The following GTPBP10 variants were observed in gnomAD, a reference collection of about 807,000 sequenced individuals.
GTPBP10 encodes the protein GTP-binding protein 10.
In GTPBP10, 38 loss-of-function variants were observed where a neutral mutation model predicts 44.8. The ratio of observed to expected loss-of-function variants is 0.85; its 90% CI spans 0.65 to 1.11. The LOEUF (loss-of-function observed/expected upper bound fraction) is 1.11, where lower values mean the gene tolerates loss of function less well. Among genes scored for constraint, GTPBP10 ranks in the 50% most tolerant of loss-of-function variants. GTPBP10 has a pLI of 0.00. For missense variants in GTPBP10, 462 were observed against 453.7 expected (o/e 1.02, Z -0.17); for synonymous variants, 152 against 150.6 (o/e 1.01, Z -0.07).
intron 4 of GTPBP10, among the ~76,000 whole-genome samples, chr7:90,364,096 C>G (rs896203289): frequency 6.6e-6 from 1 of 152,160 alleles, no homozygotes; most frequent in Non-Finnish European, 1.5e-5. Flanking sequence ...TCCTTTAGCT[C>G]GGAGAATTCT....
chr7:90,369,246 G>A (rs568091626), intron 4 of GTPBP10, among the ~76,000 whole-genome samples: 4 of 152,274 alleles, frequency 2.6e-5, no homozygotes, highest in Admixed American at 6.5e-5. Context: ...TAGGCTACTC[G>A]GGGGTCAGGG....
At position 90,382,984 on chromosome 7, in the gene GTPBP10, A is replaced by C; in HGVS notation, c.806A>C (p.Gln269Pro). 1 of 1,584,236 alleles carries C rather than the reference A, an allele frequency of 6.3e-7. No homozygotes were observed. ...TTGGAATTGTACAAAGAGGAACTTC[A>C]GACAAAACCTGCACTCTTGGCAGTT... ...KELELYKEELQTKPALLAVNK... is the reference protein window; with the variant it reads ...KELELYKEELPTKPALLAVNK... Residue 269 changes from glutamine (Q) to proline (P), a missense_variant, in exon 9 of 10, where the codon CAG becomes CCG. Transcript: ENST00000222511.
At position 90,389,031 on chromosome 7, in the gene GTPBP10, ATATCT is replaced by A. The variant is rs1250096135; in HGVS notation, c.*3881_*3885del. The A allele has an allele frequency of 1.3e-5, 2 of 152,368 alleles. No individual in the cohort carries two copies. Among genetic ancestry groups the A allele is most frequent in the South Asian group, 2.1e-4 (1 of 4,834 alleles). The allele number at this position is 152,368 out of a possible 1,614,324, so 9.4% of individuals were successfully genotyped here. On this transcript the variant is annotated 3_prime_UTR_variant, in exon 10 of 10. Transcript: ENST00000222511. ...TGTAAACCTACACAAAAGATAAAAG[ATATCT>A]TATTGCAAAAATAGGGCAACATTTT...
chr7:90,383,586 C>T (rs1012360569), intron 9 of GTPBP10: 1 of 152,168 alleles, frequency 6.6e-6, no homozygotes, highest in African/African-American at 2.4e-5. Context: ...GTATGTGTGA[C>T]ACAATAATAG....
intron 1 of GTPBP10, among the ~76,000 whole-genome samples, chr7:90,351,269 T>C (rs1260005718): frequency 1.3e-5 from 2 of 152,226 alleles, no homozygotes; most frequent in Admixed American, 1.3e-4. Flanking sequence ...TAAGTTTTGA[T>C]AAATTTTAAG....
intron 9 of GTPBP10, among the ~76,000 whole-genome samples, chr7:90,384,240 C>A (rs1156580982): frequency 1.3e-5 from 2 of 152,198 alleles, no homozygotes; most frequent in African/African-American, 4.8e-5. Context: ...CTCCACCAAT[C>A]TGTTTCAGTC....
chr7:90,372,853 T>G (rs1048083264), intron 5 of GTPBP10, among the ~76,000 whole-genome samples: 2 of 152,192 alleles, frequency 1.3e-5, no homozygotes, highest in Admixed American at 6.5e-5. Flanking sequence ...TTACAAAGAC[T>G]GATAAACAGA....
intron 5 of GTPBP10, 150 bp from the exon 6 acceptor site, chr7:90,374,152 T>G (rs1435222447): frequency 3.1e-6 from 2 of 648,764 alleles, no homozygotes; most frequent in Non-Finnish European, 5.5e-6. Flanking sequence ...AAGTACATAT[T>G]AAATAGCAAA....
At position 90,389,311 on chromosome 7, in the gene GTPBP10, G is replaced by A. The variant is rs1333667630; in HGVS notation, c.*4157G>A. 2.0e-5 allele frequency: 3 copies of A among 152,082 alleles called. No individual in the cohort carries two copies. The highest frequency in any genetic ancestry group is 1.9e-4 in the East Asian group (1 of 5,190). The allele number at this position is 152,082 out of a possible 1,614,324, so 9.4% of individuals were successfully genotyped here. Reference sequence around the variant, plus strand: ...ACACTGCACTGTATTGCCTGCTAGCGATGTCATTTTTTTAAAGTTGGATGG... The same window carrying A: ...ACACTGCACTGTATTGCCTGCTAGCAATGTCATTTTTTTAAAGTTGGATGG... On this transcript the variant is annotated 3_prime_UTR_variant, in exon 10 of 10. Transcript: ENST00000222511.
intron 1 of GTPBP10, among the ~76,000 whole-genome samples, chr7:90,352,601 T>A (rs42658): frequency 0.55 from 83,686 of 151,964 alleles, 23,697 homozygotes; most frequent in East Asian, 0.63. Context: ...AATTGATAAC[T>A]GAAAAAACTA....
intron 4 of GTPBP10, among the ~76,000 whole-genome samples, chr7:90,369,463 C>T (rs571076477): frequency 2.2e-4 from 34 of 152,336 alleles, no homozygotes; most frequent in Non-Finnish European, 4.7e-4. Context: ...CCATTTCGAG[C>T]TTCCAGGCCT....
chr7:90,346,839 C>G (rs1030445314), intron 1 of GTPBP10, 65 bp downstream of exon 1: 26 of 1,546,786 alleles, frequency 1.7e-5, no homozygotes, highest in Non-Finnish European at 2.3e-5. Flanking sequence ...CTTTGCTCCC[C>G]TGTCTCTCCA....
chr7:90,346,728 G>A lies in GTPBP10; in HGVS notation c.-14G>A, dbSNP rs761467390. On this transcript the variant is annotated 5_prime_UTR_variant, in exon 1 of 10. Transcript: ENST00000222511. ...TGCCGCTTCCGCAAGAAGGTTTCCT[G>A]GCCTGTTGCAGCCATGGTGCATTGC... 12 of 1,614,234 alleles carry A rather than the reference G, an allele frequency of 7.4e-6. No individual in the cohort carries two copies. The South Asian group carries it at 1.3e-4, about 18-fold the overall frequency.
At position 90,388,384 on chromosome 7, in the gene GTPBP10, G is replaced by A. The variant is rs1796561327; in HGVS notation, c.*3230G>A. On this transcript the variant is annotated 3_prime_UTR_variant, in exon 10 of 10. Transcript: ENST00000222511. ...GAATAACCAGAGTATTAAATTCAATGTACAGCAAATTTTTACAAAGTCCCA... is the reference window on the plus strand; with the variant it reads ...GAATAACCAGAGTATTAAATTCAATATACAGCAAATTTTTACAAAGTCCCA... 6.6e-6 allele frequency: 1 copy of A among 151,990 alleles called. No homozygotes were observed. Among genetic ancestry groups the A allele is most frequent in the Non-Finnish European group, 1.5e-5 (1 of 68,000 alleles). The allele number at this position is 151,990 out of a possible 1,614,324, so 9.4% of individuals were successfully genotyped here. A position where few individuals can be genotyped will look rare whatever the true frequency, so the allele number is the denominator to read the frequency against.
At chr7:90,353,734 G>T (rs1166729496) in intron 2 of GTPBP10, among the ~76,000 whole-genome samples, 1 of 151,696 alleles carries the variant, frequency 6.6e-6, no homozygotes, top group Non-Finnish European at 1.5e-5. Flanking sequence ...AGAGTAGCCA[G>T]ATTTGCCTTC....
intron 8 of GTPBP10, among the ~76,000 whole-genome samples, chr7:90,380,533 G>A (rs1451420932): frequency 6.6e-6 from 1 of 151,994 alleles, no homozygotes; most frequent in Non-Finnish European, 1.5e-5. Flanking sequence ...AAGTGTAATT[G>A]ACATAAAAAT....
intron 6 of GTPBP10, 28 bp downstream of exon 6, chr7:90,374,382 A>G (rs1017956635): frequency 7.0e-7 from 1 of 1,419,972 alleles, no homozygotes; most frequent in Non-Finnish European, 9.9e-7. Context: ...AAAACACTAT[A>G]TTAGAAGTCA....
intron 1 of GTPBP10, among the ~76,000 whole-genome samples, chr7:90,348,852 A>G (rs1795734827): frequency 6.6e-6 from 1 of 152,240 alleles, no homozygotes; most frequent in Non-Finnish European, 1.5e-5. Flanking sequence ...AGTCCTGAAC[A>G]ATAGGAGCTC....
In GTPBP10 at chr7:90,389,199, G is replaced by A. The variant is rs1259908796; in HGVS notation, c.*4045G>A. The A allele has an allele frequency of 2.6e-5, 4 of 152,158 alleles. No individual in the cohort carries two copies. Among genetic ancestry groups the A allele is most frequent in the Non-Finnish European group, 5.9e-5 (4 of 68,042 alleles). The allele number at this position is 152,158 out of a possible 1,614,324, so 9.4% of individuals were successfully genotyped here. A position where few individuals can be genotyped will look rare whatever the true frequency, so the allele number is the denominator to read the frequency against. ...TCCAGAAATCTTGTTCGAGTACATG[G>A]TCTGTGCTAGTAATCATATCTAAAG... On this transcript the variant is annotated 3_prime_UTR_variant, in exon 10 of 10. Coordinates refer to ENST00000222511, the MANE Select transcript of GTPBP10 (RefSeq NM_033107.4).
Sources: gnomAD v4.1 joint callset for allele counts (sites outside exome capture counted in the v4.1 genomes callset) on GRCh38, gnomAD v4.1.1 for gene constraint, MANE v1.5 for transcripts, NCBI Gene and HGNC (gene_info 2026-07-23, HGNC 2026-07-21) for gene names.